ETV7: variants seen among roughly 807,000 people sequenced by gnomAD.
ETV7 encodes the protein ETS variant transcription factor 7.
In ETV7, 43 loss-of-function variants were observed where a neutral mutation model predicts 39.1. That is an observed-to-expected ratio of 1.10 (90% CI 0.86 to 1.42). ETV7 has a LOEUF of 1.42. Ranked by LOEUF, ETV7 falls within the 40% of genes most tolerant of loss-of-function variation. ETV7 has a pLI of 0.00. For synonymous variants in ETV7, 196 were observed against 176.6 expected, an observed-to-expected ratio of 1.11 and a Z score of -0.87; for missense variants, 432 against 442.3, an observed-to-expected ratio of 0.98 and a Z score of 0.21.
Position 36,366,921 on chromosome 6 carries a change from T to C in ETV7, c.862A>G (p.Lys288Glu). 1 of 1,614,020 alleles carries C rather than the reference T, an allele frequency of 6.2e-7. No homozygotes were observed. The highest frequency in any genetic ancestry group is 8.5e-7 in the Non-Finnish European group (1 of 1,179,984). ...GGTTCCTTCTTAATGATATTAAGCTTATAATAGTGGCGCAGGGCACGAGAC... is the reference window on the plus strand; with the variant it reads ...GGTTCCTTCTTAATGATATTAAGCTCATAATAGTGGCGCAGGGCACGAGAC... ...KMSRALRHYY[K>E]LNIIKKEPGQ... is the part of the protein sequence containing the mutation. Residue 288 changes from lysine to glutamate, a missense_variant, in exon 7 of 8, where the codon AAG becomes GAG. Transcript: ENST00000340181.
At chr6:36,367,294 T>C (rs1772774719) in intron 6 of ETV7, among the ~76,000 whole-genome samples, 1 of 151,988 alleles carries the variant, frequency 6.6e-6, no homozygotes, top group Non-Finnish European at 1.5e-5. Flanking sequence ...AATACAAAAA[T>C]TAGCCAGGCG....
intron 6 of ETV7, among the ~76,000 whole-genome samples, chr6:36,368,374 G>T (rs1772830502): frequency 6.6e-6 from 1 of 152,050 alleles, no homozygotes; most frequent in South Asian, 2.1e-4. Context: ...ATTTTAAAAG[G>T]CTACATTCCT....
Position 36,366,702 on chromosome 6 carries a change from C to T in ETV7, c.969G>A (p.Glu323=), listed in dbSNP as rs756337798. The T allele has an allele frequency of 1.2e-6, 2 of 1,614,154 alleles. No individual in the cohort carries two copies. The highest frequency in any genetic ancestry group is 1.7e-6 in the Non-Finnish European group (2 of 1,180,028). ...QDKHSHLEPL[E]SQEQDRIEFK... is the part of the protein sequence containing the mutation. ...ACTCTATTCTGTCCTGCTCCTGGCT[C>T]TCCAGCGGCTCCAGGTGGCTGTGCT... The change falls in exon 8 of 8, where the codon GAG becomes GAA. Residue 323 remains glutamate, a synonymous_variant. Transcript: ENST00000340181.
chr6:36,360,513 C>G (rs1200142545), intron 7 of ETV7, among the ~76,000 whole-genome samples: 1 of 152,034 alleles, frequency 6.6e-6, no homozygotes, highest in Non-Finnish European at 1.5e-5. Context: ...GTGAGTTCCC[C>G]GTCACTGGAG....
chr6:36,375,837 C>T, intron 3 of ETV7, 34 bp downstream of exon 3: 1 of 1,613,332 alleles, frequency 6.2e-7, no homozygotes, highest in Admixed American at 1.7e-5. Flanking sequence ...TACCAGGGTT[C>T]CCGCTTAGAG....
chr6:36,357,436 C>T (rs1022833251), intron 7 of ETV7, among the ~76,000 whole-genome samples: 25 of 152,248 alleles, frequency 1.6e-4, no homozygotes, highest in African/African-American at 5.8e-4. Flanking sequence ...AGGACAGTCT[C>T]CTGGCCACAG....
At chr6:36,381,023 C>A (rs1076929) in intron 2 of ETV7, among the ~76,000 whole-genome samples, 1 of 151,804 alleles carries the variant, frequency 6.6e-6, no homozygotes, top group Non-Finnish European at 1.5e-5. Flanking sequence ...CCCCACCTGA[C>A]CAAAGCTATT....
downstream of ETV7, among the ~76,000 whole-genome samples, chr6:36,363,056 T>C (rs12197566): frequency 0.2 from 29,687 of 152,090 alleles, 3,120 homozygotes; most frequent in Admixed American, 0.28. Flanking sequence ...CCCTTCTCTG[T>C]AAAATGAGGG....
intron 3 of ETV7, among the ~76,000 whole-genome samples, chr6:36,373,938 G>C (rs1293692342): frequency 6.6e-6 from 1 of 152,224 alleles, no homozygotes; most frequent in Non-Finnish European, 1.5e-5. Flanking sequence ...GTTCCTGGGA[G>C]CAGAGACAGT....
At chr6:36,376,608 T>C (rs1773370053) in intron 2 of ETV7, among the ~76,000 whole-genome samples, 1 of 151,960 alleles carries the variant, frequency 6.6e-6, no homozygotes, top group African/African-American at 2.4e-5. Context: ...AAACCCCATC[T>C]CTACTAAAAA....
At chr6:36,384,334 G>C (rs995972713) in intron 2 of ETV7, among the ~76,000 whole-genome samples, 18 of 152,216 alleles carry the variant, frequency 1.2e-4, no homozygotes, top group African/African-American at 3.9e-4. Context: ...GGAAATGCCT[G>C]TCCCTAGAAG....
intron 3 of ETV7, 105 bp downstream of exon 3, chr6:36,375,766 C>A: frequency 6.4e-7 from 1 of 1,565,776 alleles, no homozygotes; most frequent in South Asian, 1.1e-5. Context: ...CATGATTCCC[C>A]AAGGAAGACC....
intron 5 of ETV7, among the ~76,000 whole-genome samples, chr6:36,370,563 A>G (rs533633286): frequency 1.3e-5 from 2 of 151,994 alleles, no homozygotes; most frequent in Admixed American, 6.6e-5. Context: ...GAAAAGAAAA[A>G]CTTCCTATCA....
intron 2 of ETV7, among the ~76,000 whole-genome samples, chr6:36,382,278 G>C (rs1158115789): frequency 6.6e-6 from 1 of 152,184 alleles, no homozygotes; most frequent in African/African-American, 2.4e-5. Context: ...AATGCGCTCT[G>C]ATGTGTTGTT....
intron 1 of ETV7, among the ~76,000 whole-genome samples, chr6:36,386,412 T>C (rs1773901824): frequency 6.6e-6 from 1 of 152,214 alleles, no homozygotes; most frequent in African/African-American, 2.4e-5. Context: ...ACGGGAAGCC[T>C]GTATCTTTAC....
In ETV7 at chr6:36,366,649, G is replaced by A. The variant is rs145392208; in HGVS notation, c.1022C>T (p.Pro341Leu). The change falls in exon 8 of 8, where the codon CCG (proline) becomes CTG (leucine). Residue 341 changes from proline to leucine, a missense_variant. Physicochemically the swap from Pro to Leu is moderately conservative, Grantham distance 98. Transcript: ENST00000340181. ...EFKDKRPEIS[P>L] ...TGCCTGGAGTCCACCTGCCCCTCAC[G>A]GAGAGATTTCTGGCCTCTTGTCCTT... 56 of 1,613,996 alleles carry A rather than the reference G, an allele frequency of 3.5e-5. No individual in the cohort carries two copies. The highest frequency in any genetic ancestry group is 1.6e-4 in the Middle Eastern group (1 of 6,084).
exon 8 of ETV7, chr6:36,354,172 TG>T (rs1772281101): frequency 6.7e-6 from 1 of 150,156 alleles, no homozygotes; most frequent in Non-Finnish European, 1.5e-5. Flanking sequence ...ATATATGATT[TG>T]GAGATATTTT....
downstream of ETV7, among the ~76,000 whole-genome samples, chr6:36,362,301 C>G (rs374698053): frequency 1.2e-4 from 16 of 135,176 alleles, no homozygotes; most frequent in African/African-American, 4.4e-4. Flanking sequence ...GACTCTGTCT[C>G]AAAAAAAAAA....
At chr6:36,374,984 G>A (rs1321610272) in intron 3 of ETV7, among the ~76,000 whole-genome samples, 1 of 151,326 alleles carries the variant, frequency 6.6e-6, no homozygotes, top group Admixed American at 6.6e-5. Context: ...CAGGGGAATC[G>A]CTTGAACCTG....
Sources: allele counts gnomAD v4.1 joint callset (sites outside exome capture counted in the v4.1 genomes callset), GRCh38; gene constraint gnomAD v4.1.1; transcripts MANE v1.5; gene names NCBI Gene and HGNC (gene_info 2026-07-23, HGNC 2026-07-21).